MTMR14: variants seen among roughly 807,000 people sequenced by gnomAD.
MTMR14 encodes the protein phosphatidylinositol-3,5-bisphosphate 3-phosphatase MTMR14.
In MTMR14, 48 loss-of-function variants were observed where a neutral mutation model predicts 86.3. That is an observed-to-expected ratio of 0.56 (90% CI 0.44 to 0.71). MTMR14 has a LOEUF of 0.71. Among genes scored for constraint, MTMR14 ranks in the 30% least tolerant of loss-of-function variants. The probability of loss-of-function intolerance (pLI) is 0.00; values close to 1 mark genes in which losing one functional copy is unlikely to be tolerated. For synonymous variants in MTMR14, 366 were observed against 326.1 expected (o/e 1.12, Z -1.32); for missense variants, 780 against 834.6 (o/e 0.93, Z 0.81).
intron 17 of MTMR14, among the ~76,000 whole-genome samples, chr3:9,697,386 G>T (rs892168832): frequency 3.3e-5 from 5 of 152,152 alleles, no homozygotes; most frequent in African/African-American, 1.2e-4. Flanking sequence ...TGTTGAGATT[G>T]TCCTTGCCGT....
At chr3:9,682,556 C>T (rs114888369) in intron 9 of MTMR14, among the ~76,000 whole-genome samples, 255 of 152,324 alleles carry the variant, frequency 1.7e-3, no homozygotes, top group African/African-American at 5.6e-3. Flanking sequence ...GTTCTCATCT[C>T]TTTAAAGCTT....
rs373227805 is a variant in MTMR14 at position 9,669,435 on chromosome 3, G to C, written c.497G>C (p.Gly166Ala). ...GACAGATAGGTTTCTCTGGCAGGGG[G>C]TGCAGATGATGCCTGGGCAGATGTG... The part of the protein sequence containing the change: ...RSGYNYFFSG[G>A]ADDAWADVED... The change falls in exon 5 of 19, where the codon GGT (glycine) becomes GCT (alanine). Residue 166 changes from glycine (G) to alanine (A), a missense_variant. Physicochemically the swap from Gly to Ala is moderately conservative, Grantham distance 60 (BLOSUM62 0). Transcript: ENST00000296003. The C allele has an allele frequency of 3.4e-5, 55 of 1,613,872 alleles. No individual in the cohort carries two copies. Among genetic ancestry groups the C allele is most frequent in the Non-Finnish European group, 4.5e-5 (53 of 1,179,910 alleles).
intron 1 of MTMR14, among the ~76,000 whole-genome samples, chr3:9,651,024 A>G (rs1174563792): frequency 2.0e-5 from 3 of 152,168 alleles, no homozygotes; most frequent in South Asian, 2.1e-4. Flanking sequence ...TCCTGAGCTC[A>G]GGTGATCCGC....
chr3:9,701,925 A>G lies in MTMR14; in HGVS notation c.1905A>G (p.Gln635=), dbSNP rs2125448804. The change falls in exon 19 of 19, where the codon CAA becomes CAG. Residue 635 remains glutamine, a synonymous_variant. Transcript: ENST00000296003. This position sits in a 1 kb window ranked among gnomAD's most constrained non-coding sequence, Gnocchi z 4.2. ...PSGAIGGLLE[Q]FARGVGLRSI... is the part of the protein sequence containing the mutation. ...GTGCCATCGGGGGCCTGCTGGAGCA[A>G]TTTGCCCGTGGTGTTGGACTCCGGA... The G allele has an allele frequency of 1.9e-6, 3 of 1,614,190 alleles. No individual in the cohort carries two copies. In the African/African-American group the frequency reaches 4.0e-5, roughly 22 times the overall value.
At position 9,701,735 on chromosome 3, in the gene MTMR14, T is replaced by C. The variant is rs1261115925; in HGVS notation, c.1770-55T>C. ...GGTATGGAGGGAGGGAGGATGAGGATACTGGGTCCTGTCCCAGGGTAATGT... is the reference window on the plus strand; with the variant it reads ...GGTATGGAGGGAGGGAGGATGAGGACACTGGGTCCTGTCCCAGGGTAATGT... On this transcript the variant is annotated intron_variant, in intron 18 of 18. Coordinates refer to ENST00000296003, the MANE Select transcript of MTMR14 (RefSeq NM_001077525.3). This position sits in a 1 kb window ranked among gnomAD's most constrained non-coding sequence, Gnocchi z 4.2. The C allele has an allele frequency of 3.1e-5, 49 of 1,592,172 alleles. No individual in the cohort carries two copies. Among genetic ancestry groups the C allele is most frequent in the Non-Finnish European group, 3.9e-5 (46 of 1,164,698 alleles).
chr3:9,669,376 C>T, intron 4 of MTMR14, 56 bp from the exon 5 acceptor site: 1 of 1,587,360 alleles, frequency 6.3e-7, no homozygotes, highest in Non-Finnish European at 8.6e-7. Flanking sequence ...GAGGAGGCCC[C>T]TGTGTGGAGC....
intron 9 of MTMR14, among the ~76,000 whole-genome samples, chr3:9,679,736 G>C (rs1019486814): frequency 8.5e-5 from 13 of 152,184 alleles, no homozygotes; most frequent in African/African-American, 2.9e-4. Flanking sequence ...TATGATCACT[G>C]CTTGAAAGGG....
At chr3:9,685,894 C>T (rs993855537) in intron 13 of MTMR14, among the ~76,000 whole-genome samples, 1 of 152,152 alleles carries the variant, frequency 6.6e-6, no homozygotes, top group African/African-American at 2.4e-5. Flanking sequence ...CCCTAGTTGG[C>T]CCCCTTACTG....
At chr3:9,661,113 T>G (rs2047905323) in intron 2 of MTMR14, among the ~76,000 whole-genome samples, 1 of 152,226 alleles carries the variant, frequency 6.6e-6, no homozygotes, top group South Asian at 2.1e-4. Context: ...GCTTCTCTTA[T>G]GCCTCCTTTG....
rs959182021 is a variant in MTMR14 at position 9,653,541 on chromosome 3, C to T, written c.160-80C>T. Reference sequence around the variant, plus strand: ...CCAGGTACATGTCTTTCCCAGTGACCTCTTAGGCCATGGACCTCCTAATTC... The same window carrying T: ...CCAGGTACATGTCTTTCCCAGTGACTTCTTAGGCCATGGACCTCCTAATTC... On this transcript the variant is annotated intron_variant, in intron 1 of 18. Coordinates refer to ENST00000296003, the MANE Select transcript of MTMR14 (RefSeq NM_001077525.3). 51 of 1,579,134 alleles carry T rather than the reference C, an allele frequency of 3.2e-5. No individual in the cohort carries two copies. In the African/African-American group the frequency reaches 6.6e-4, roughly 20 times the overall value.
chr3:9,660,768 CCT>C (rs920129596), intron 2 of MTMR14, among the ~76,000 whole-genome samples: 48 of 152,144 alleles, frequency 3.2e-4, no homozygotes, highest in Admixed American at 1.8e-3. Context: ...AATTAAATTC[CCT>C]CTAGGAGTTG....
At chr3:9,649,817 G>C in intron 1 of MTMR14, 75 bp downstream of exon 1, 1 of 1,586,956 alleles carries the variant, frequency 6.3e-7, no homozygotes, top group Non-Finnish European at 8.6e-7. Flanking sequence ...GAGGCCAGGG[G>C]TCAGAAAAAG....
chr3:9,687,906 G>T lies in MTMR14; in HGVS notation c.1235+15G>T. 6.3e-7 allele frequency: 1 copy of T among 1,580,336 alleles called. No individual in the cohort carries two copies. Among genetic ancestry groups the T allele is most frequent in the South Asian group, 1.1e-5 (1 of 87,262 alleles). On this transcript the variant is annotated intron_variant, in intron 14 of 18. Coordinates refer to ENST00000296003, the MANE Select transcript of MTMR14 (RefSeq NM_001077525.3). ...AAGACCCAGAGGTAAGTGGAGGCCTGCACGTGTCATGCTGGGCCAGGGCGC... is the reference window on the plus strand; with the variant it reads ...AAGACCCAGAGGTAAGTGGAGGCCTTCACGTGTCATGCTGGGCCAGGGCGC...
At chr3:9,651,068 C>T (rs972731654) in intron 1 of MTMR14, among the ~76,000 whole-genome samples, 1 of 151,936 alleles carries the variant, frequency 6.6e-6, no homozygotes. Flanking sequence ...GGGATACAGG[C>T]GTGAGCCACC....
intron 7 of MTMR14, among the ~76,000 whole-genome samples, chr3:9,676,307 A>G (rs1201333981): frequency 6.6e-6 from 1 of 152,244 alleles, no homozygotes; most frequent in African/African-American, 2.4e-5. Flanking sequence ...AGCCACCAGG[A>G]GCTCCTTGGA....
At chr3:9,661,347 A>G (rs774677826) in intron 2 of MTMR14, among the ~76,000 whole-genome samples, 5 of 152,194 alleles carry the variant, frequency 3.3e-5, no homozygotes, top group Admixed American at 2.0e-4. Flanking sequence ...CTGCAACCCC[A>G]GTCCCTCACA....
rs950753304 is a variant in MTMR14 at position 9,690,095 on chromosome 3, A to C, written c.1565A>C (p.Asp522Ala). 1 of 1,613,706 alleles carries C rather than the reference A, an allele frequency of 6.2e-7. No homozygotes were observed. Among genetic ancestry groups the C allele is most frequent in the Admixed American group, 1.7e-5 (1 of 60,020 alleles). Reference protein sequence around the residue: ...SSSSSSSNHSDNFFRMGSSPL... With the variant: ...SSSSSSSNHSANFFRMGSSPL... ...AGCTCCTCTTCCTCAAACCATTCTGATAACTTTTTCAGGATGGGTAGCAGT... is the reference window on the plus strand; with the variant it reads ...AGCTCCTCTTCCTCAAACCATTCTGCTAACTTTTTCAGGATGGGTAGCAGT... Residue 522 changes from aspartate to alanine, a missense_variant, in exon 17 of 19, where the codon GAT (aspartate) becomes GCT (alanine). Coordinates refer to ENST00000296003, the MANE Select transcript of MTMR14 (RefSeq NM_001077525.3).
In MTMR14 at chr3:9,690,113, G is replaced by T. The variant is rs767446580; in HGVS notation, c.1583G>T (p.Gly528Val). 6.2e-7 allele frequency: 1 copy of T among 1,613,804 alleles called. No homozygotes were observed. Among genetic ancestry groups the T allele is most frequent in the South Asian group, 1.1e-5 (1 of 91,058 alleles). Residue 528 changes from glycine (G) to valine (V), a missense_variant, in exon 17 of 19, where the codon GGT becomes GTT. By Grantham distance (109) the Gly-to-Val change is moderately radical. Coordinates refer to ENST00000296003, the MANE Select transcript of MTMR14 (RefSeq NM_001077525.3). ...CATTCTGATAACTTTTTCAGGATGG[G>T]TAGCAGTCCCCTGGAGGTCCCCAAA... Reference protein sequence around the residue: ...SNHSDNFFRMGSSPLEVPKPR... With the variant: ...SNHSDNFFRMVSSPLEVPKPR...
At chr3:9,670,198 AG>A (rs2048492005) in intron 5 of MTMR14, among the ~76,000 whole-genome samples, 1 of 152,262 alleles carries the variant, frequency 6.6e-6, no homozygotes, top group Non-Finnish European at 1.5e-5. Flanking sequence ...AGTTAAGATC[AG>A]CTTCCCAAAT....
Sources: allele counts gnomAD v4.1 joint callset (sites outside exome capture counted in the v4.1 genomes callset), GRCh38; gene constraint gnomAD v4.1.1; non-coding constraint Gnocchi (gnomAD v3.1); transcripts MANE v1.5; gene names NCBI Gene and HGNC (gene_info 2026-07-23, HGNC 2026-07-21).